PLEKHG6: variants seen among roughly 807,000 people sequenced by gnomAD.
The protein encoded by PLEKHG6 is pleckstrin homology and RhoGEF domain containing G6.
PLEKHG6 carries 91 observed loss-of-function variants against 97.5 expected under a neutral mutation model. The observed-to-expected ratio is 0.93, with a 90% confidence interval of 0.79 to 1.11. The LOEUF is 1.11. Ranked by LOEUF, PLEKHG6 falls within the 50% of genes most tolerant of loss-of-function variation. PLEKHG6 has a pLI of 0.00. For synonymous variants in PLEKHG6, 466 were observed against 425.5 expected (o/e 1.10, Z -1.17); for missense variants, 1,044 against 1,031.0 (o/e 1.01, Z -0.17).
chr12:6,318,925 G>T (rs1947595824), intron 12 of PLEKHG6, 48 bp downstream of exon 12: 1 of 1,613,574 alleles, frequency 6.2e-7, no homozygotes, highest in Non-Finnish European at 8.5e-7. Flanking sequence ...TTCTCAGCGA[G>T]GGGAAGGAGG....
chr12:6,317,161 C>A (rs1947496005), intron 7 of PLEKHG6, 142 bp from the exon 8 acceptor site: 2 of 620,354 alleles, frequency 3.2e-6, no homozygotes, highest in East Asian at 5.5e-5. Context: ...CTGGGAGGAT[C>A]CTGGGAGGGA....
At chr12:6,321,503 T>C (rs972881763) in intron 13 of PLEKHG6, among the ~76,000 whole-genome samples, 1 of 151,566 alleles carries the variant, frequency 6.6e-6, no homozygotes, top group Non-Finnish European at 1.5e-5. Flanking sequence ...AGGGAGACAT[T>C]GCAAAAAGGG....
rs1947296516 is a variant in PLEKHG6, at chr12:6,312,259, C to T, written c.33C>T (p.Pro11=). 1.9e-6 allele frequency: 3 copies of T among 1,540,418 alleles called. No homozygotes were observed. The highest frequency in any genetic ancestry group is 2.6e-6 in the Non-Finnish European group (3 of 1,150,548). Reference sequence around the variant, plus strand: ...CCTTTGGTCCTCCACATGAGGGCCCCCTCCAAGGACTCGTGGCCTCCCGCA... The same window carrying T: ...CCTTTGGTCCTCCACATGAGGGCCCTCTCCAAGGACTCGTGGCCTCCCGCA... MKAFGPPHEG[P]LQGLVASRIE... is the part of the protein sequence containing the mutation. The change falls in exon 2 of 16, where the codon CCC becomes CCT. Residue 11 remains proline (P), a synonymous_variant. Coordinates refer to ENST00000684764, the MANE Select transcript of PLEKHG6 (RefSeq NM_001384598.1).
chr12:6,318,305 T>G lies in PLEKHG6; in HGVS notation c.1160T>G (p.Leu387Arg). 6.2e-7 allele frequency: 1 copy of G among 1,614,028 alleles called. No individual in the cohort carries two copies. The highest frequency in any genetic ancestry group is 8.5e-7 in the Non-Finnish European group (1 of 1,179,988). ...EPPSDEVEKN[L>R]RPFSTLDLTS... is the part of the protein sequence containing the mutation. ...CCTCCCCTCTGTGTCCCTCAGAACC[T>G]GCGCCCATTCTCCACCCTGGACCTG... Residue 387 changes from leucine to arginine, a missense_variant, in exon 11 of 16, where the codon CTG becomes CGG. Coordinates refer to ENST00000684764, the MANE Select transcript of PLEKHG6 (RefSeq NM_001384598.1).
Position 6,318,789 on chromosome 12 carries a change from C to T in PLEKHG6, c.1320C>T (p.Thr440=). The change falls in exon 12 of 16, where the codon ACC becomes ACT. Residue 440 remains threonine, a synonymous_variant. Coordinates refer to ENST00000684764, the MANE Select transcript of PLEKHG6 (RefSeq NM_001384598.1). ...LFLFSDVLLV[T]KPQRKADKAK... Reference sequence around the variant, plus strand: ...TCTTCTCTGATGTGCTCCTTGTGACCAAGCCCCAGCGCAAGGCGGACAAAG... The same window carrying T: ...TCTTCTCTGATGTGCTCCTTGTGACTAAGCCCCAGCGCAAGGCGGACAAAG... 6.2e-7 allele frequency: 1 copy of T among 1,614,124 alleles called. No individual in the cohort carries two copies. Among genetic ancestry groups the T allele is most frequent in the Non-Finnish European group, 8.5e-7 (1 of 1,179,986 alleles).
At chr12:6,318,221 G>A in intron 10 of PLEKHG6, 80 bp from the exon 11 acceptor site, 1 of 1,596,902 alleles carries the variant, frequency 6.3e-7, no homozygotes, top group Non-Finnish European at 8.5e-7. Context: ...GGTGTTGGTG[G>A]CAGAACCAGG....
intron 13 of PLEKHG6, among the ~76,000 whole-genome samples, chr12:6,323,553 T>C (rs899428498): frequency 3.3e-5 from 5 of 152,198 alleles, no homozygotes; most frequent in Admixed American, 1.3e-4. Flanking sequence ...AGACTGAATC[T>C]TGGGGAATGC....
At position 6,327,618 on chromosome 12, in the gene PLEKHG6, A is replaced by C. The variant is rs567864829; in HGVS notation, c.2035A>C (p.Asn679His). 1.3e-5 allele frequency: 20 copies of C among 1,578,778 alleles called. No individual in the cohort carries two copies. The African/African-American group carries it at 2.2e-4, about 17-fold the overall frequency. ...AGAAGATGGGGCCTCCGAGCGAGGG[A>C]ATGTGGTGGTGGAAACACTCCACAG... ...EEEDGASERG[N>H]VVVETLHRAR... Residue 679 changes from asparagine to histidine, a missense_variant, in exon 15 of 16, where the codon AAT (asparagine) becomes CAT (histidine). Physicochemically the swap from Asn to His is moderately conservative, Grantham distance 68 (BLOSUM62 1). Transcript: ENST00000684764.
intron 11 of PLEKHG6, 38 bp downstream of exon 11, chr12:6,318,458 C>T (rs775089908): frequency 2.4e-5 from 38 of 1,564,478 alleles, no homozygotes; most frequent in South Asian, 8.5e-5. Context: ...GGATGGGGCA[C>T]GGTGGGAGAA....
chr12:6,323,658 G>A (rs1372856172), intron 13 of PLEKHG6, among the ~76,000 whole-genome samples: 3 of 152,222 alleles, frequency 2.0e-5, no homozygotes, highest in Non-Finnish European at 2.9e-5. Flanking sequence ...ACTGAAGGAG[G>A]CAGCCGAGGC....
At chr12:6,312,112 T>C (rs935315046) in intron 1 of PLEKHG6, 47 bp from the exon 2 acceptor site, 9 of 838,784 alleles carry the variant, frequency 1.1e-5, no homozygotes, top group Non-Finnish European at 1.5e-5. Context: ...CCTGGTGCCA[T>C]TCACTGATTG....
rs866688871 is a variant in PLEKHG6, at chr12:6,316,764, A to T, written c.756+360A>T. Among the ~76,000 whole-genome samples the T allele has an allele frequency of 5.9e-5, 9 of 152,284 alleles. No individual in the cohort carries two copies. The South Asian group carries it at 1.7e-3, about 28-fold the overall frequency. On this transcript the variant is annotated intron_variant, in intron 7 of 15. Transcript: ENST00000684764. The surrounding 1 kb of genome is among the most constrained non-coding windows in gnomAD (Gnocchi z 4.1). ...GCCACAGGAGGCACCCGGGGCACGGAGAAGAGTGACAAGAGAAAGCAAGAG... is the reference window on the plus strand; with the variant it reads ...GCCACAGGAGGCACCCGGGGCACGGTGAAGAGTGACAAGAGAAAGCAAGAG...
Position 6,319,096 on chromosome 12 carries a change from C to G in PLEKHG6, c.1512C>G (p.Thr504=). The G allele has an allele frequency of 6.2e-7, 1 of 1,605,170 alleles. No individual in the cohort carries two copies. The highest frequency in any genetic ancestry group is 8.5e-7 in the Non-Finnish European group (1 of 1,173,272). Reference sequence around the variant, plus strand: ...ACCGTGCCCAGTGGCTGGAGAAGACCCAGCAGGCCCAGGTATGGGAAAGCC... The same window carrying G: ...ACCGTGCCCAGTGGCTGGAGAAGACGCAGCAGGCCCAGGTATGGGAAAGCC... ...PTDRAQWLEK[T]QQAQAALQKL... The change falls in exon 13 of 16, where the codon ACC becomes ACG. Residue 504 remains threonine, a synonymous_variant. Transcript: ENST00000684764.
chr12:6,321,805 C>A (rs1261746052), intron 13 of PLEKHG6, among the ~76,000 whole-genome samples: 1 of 117,688 alleles, frequency 8.5e-6, no homozygotes, highest in Non-Finnish European at 1.6e-5. Context: ...CCAGCCTGGG[C>A]GACAGAGCGA....
At chr12:6,322,731 A>C (rs572331895) in intron 13 of PLEKHG6, among the ~76,000 whole-genome samples, 89 of 152,206 alleles carry the variant, frequency 5.8e-4, no homozygotes, top group African/African-American at 2.1e-3. Flanking sequence ...AAATACAAAA[A>C]TTAGCTGGGC....
chr12:6,315,775 G>A lies in PLEKHG6; in HGVS notation c.556-94G>A. On this transcript the variant is annotated intron_variant, in intron 5 of 15. Transcript: ENST00000684764. The surrounding 1 kb of genome is among the most constrained non-coding windows in gnomAD (Gnocchi z 4.5). ...TTCAGGCCAGTCTGGGATGCAGGGA[G>A]ATAGGTCAGCAGTACTGAAGTTGGT... 2 of 1,258,312 alleles carry A rather than the reference G, an allele frequency of 1.6e-6. No individual in the cohort carries two copies. Among genetic ancestry groups the A allele is most frequent in the East Asian group, 2.6e-5 (1 of 38,852 alleles). The allele number at this position is 1,258,312 out of a possible 1,614,324, so 77.9% of individuals were successfully genotyped here.
chr12:6,318,563 C>T, intron 11 of PLEKHG6, 143 bp downstream of exon 11: 1 of 1,244,052 alleles, frequency 8.0e-7, no homozygotes, highest in Non-Finnish European at 1.1e-6. Context: ...GACCCTGAGC[C>T]AGCCACTTTG....
chr12:6,327,557 T>G lies in PLEKHG6; in HGVS notation c.1974T>G (p.Ser658Arg). 1 of 1,572,368 alleles carries G rather than the reference T, an allele frequency of 6.4e-7. No individual in the cohort carries two copies. The change falls in exon 15 of 16, where the codon AGT (serine) becomes AGG (arginine). Residue 658 changes from serine (S) to arginine (R), a missense_variant. By Grantham distance (110) the Ser-to-Arg change is moderately radical. Transcript: ENST00000684764. ...ELPEGILKGG[S>R]LPQEDPPTWS... Reference sequence around the variant, plus strand: ...CGGAAGGAATCCTAAAAGGAGGCAGTCTTCCCCAGGAAGACCCACCAACCT... The same window carrying G: ...CGGAAGGAATCCTAAAAGGAGGCAGGCTTCCCCAGGAAGACCCACCAACCT...
In PLEKHG6 at chr12:6,318,782, T is replaced by C; in HGVS notation, c.1313T>C (p.Leu438Pro). The change falls in exon 12 of 16, where the codon CTT becomes CCT. Residue 438 changes from leucine (L) to proline (P), a missense_variant. By Grantham distance (98) the Leu-to-Pro change is moderately conservative. Transcript: ENST00000684764. Reference protein sequence around the residue: ...VYLFLFSDVLLVTKPQRKADK... With the variant: ...VYLFLFSDVLPVTKPQRKADK... Reference sequence around the variant, plus strand: ...CTGTTCCTCTTCTCTGATGTGCTCCTTGTGACCAAGCCCCAGCGCAAGGCG... The same window carrying C: ...CTGTTCCTCTTCTCTGATGTGCTCCCTGTGACCAAGCCCCAGCGCAAGGCG... 6.2e-7 allele frequency: 1 copy of C among 1,614,070 alleles called. No individual in the cohort carries two copies. Among genetic ancestry groups the C allele is most frequent in the Middle Eastern group, 1.6e-4 (1 of 6,062 alleles).
Sources: gnomAD v4.1 joint callset for allele counts (sites outside exome capture counted in the v4.1 genomes callset) on GRCh38, gnomAD v4.1.1 for gene constraint, Gnocchi (gnomAD v3.1) non-coding constraint, MANE v1.5 for transcripts, NCBI Gene and HGNC (gene_info 2026-07-23, HGNC 2026-07-21) for gene names.